Variants in PCDH15 observed in about 807,000 individuals in gnomAD.
PCDH15 encodes protocadherin related 15.
Under a neutral mutation model 178.5 loss-of-function variants are expected in PCDH15, and 129 were observed. The ratio of observed to expected loss-of-function variants is 0.72; its 90% CI spans 0.63 to 0.84. The LOEUF (loss-of-function observed/expected upper bound fraction) is 0.84, where lower values mean the gene tolerates loss of function less well. Ranked by LOEUF, PCDH15 falls within the 40% of genes least tolerant of loss-of-function variation. PCDH15 has a pLI of 0.00. For synonymous variants in PCDH15, 800 were observed against 732.0 expected (o/e 1.09, Z -1.50); for missense variants, 2,230 against 2,099.9 (o/e 1.06, Z -1.21).
At chr10:55,482,128 T>C (rs1840195767) in intron 2 of PCDH15, among the ~76,000 whole-genome samples, 1 of 151,876 alleles carries the variant, frequency 6.6e-6, no homozygotes, top group African/African-American at 2.4e-5. Flanking sequence ...GTCTGTTTTG[T>C]CAGACACTAG....
chr10:54,159,358 G>A (rs988987207), intron 13 of PCDH15, among the ~76,000 whole-genome samples: 5 of 152,058 alleles, frequency 3.3e-5, no homozygotes, highest in African/African-American at 7.2e-5. Flanking sequence ...TATATCTGGT[G>A]TTTCTGCTGG....
At chr10:53,882,048 G>C (rs2080760189) in intron 26 of PCDH15, among the ~76,000 whole-genome samples, 1 of 149,100 alleles carries the variant, frequency 6.7e-6, no homozygotes, top group African/African-American at 2.5e-5. Context: ...AGAGTGCAAT[G>C]GCACAACCTC....
chr10:55,608,818 G>A (rs975275678), intron 2 of PCDH15, among the ~76,000 whole-genome samples: 3 of 151,896 alleles, frequency 2.0e-5, no homozygotes, highest in Non-Finnish European at 2.9e-5. Flanking sequence ...ATGAAGAAAG[G>A]GCCTGGCATT....
chr10:54,053,818 A>G (rs1286532931), intron 18 of PCDH15, among the ~76,000 whole-genome samples: 1 of 152,210 alleles, frequency 6.6e-6, no homozygotes, highest in Non-Finnish European at 1.5e-5. Context: ...CAGAATTTAC[A>G]TCACAGATAA....
At chr10:54,409,358 C>A (rs1271913806) in intron 3 of PCDH15, among the ~76,000 whole-genome samples, 1 of 152,082 alleles carries the variant, frequency 6.6e-6, no homozygotes. Context: ...CATATGTGAA[C>A]TATTTATGCC....
intron 23 of PCDH15, among the ~76,000 whole-genome samples, chr10:53,942,553 C>A (rs1337537397): frequency 6.6e-6 from 1 of 152,132 alleles, no homozygotes; most frequent in Non-Finnish European, 1.5e-5. Flanking sequence ...TGGGTATATC[C>A]CTCACTGGAT....
intron 2 of PCDH15, among the ~76,000 whole-genome samples, chr10:55,078,451 G>C (rs961468359): frequency 1.3e-5 from 2 of 151,968 alleles, no homozygotes; most frequent in South Asian, 4.1e-4. Flanking sequence ...CTGATAATTT[G>C]TATATGTAGT....
chr10:53,803,973 A>G lies in PCDH15; in HGVS notation c.*2606T>C, dbSNP rs1430948237. 6.6e-6 allele frequency: 1 copy of G among 151,952 alleles called. No individual in the cohort carries two copies. The highest frequency in any genetic ancestry group is 1.5e-5 in the Non-Finnish European group (1 of 67,888). 9.4% of individuals were successfully genotyped at this position (151,952 alleles called of 1,614,324 possible). On this transcript the variant is annotated 3_prime_UTR_variant, in exon 38 of 38. Transcript: ENST00000644397. ...TTATATGAAGTATTCTTAAGATTAA[A>G]CATACCTGGGTATTTCCTCTGGGTT... is the stretch of plus-strand genomic sequence containing the variant.
chr10:55,450,032 AT>A (rs139255019), intron 2 of PCDH15, among the ~76,000 whole-genome samples: 7 of 152,000 alleles, frequency 4.6e-5, no homozygotes, highest in South Asian at 2.1e-4. Flanking sequence ...GGCTTAAAGC[AT>A]TTTTTTTATT....
chr10:53,985,633 C>T (rs184377927), intron 21 of PCDH15, among the ~76,000 whole-genome samples: 17 of 152,202 alleles, frequency 1.1e-4, no homozygotes, highest in African/African-American at 4.1e-4. Context: ...AGATTATAAA[C>T]ACACCCCGAG....
In PCDH15 at chr10:55,137,934, C is replaced by A. The variant is rs150995929; in HGVS notation, c.-80+28642G>T. On this transcript the variant is annotated intron_variant, in intron 2 of 5. Transcript: ENST00000458638. Reference sequence around the variant, plus strand: ...ACGATTGGTTAAATGACCATCCATTCCAACCCACACGTATTATGCTTTAGT... The same window carrying A: ...ACGATTGGTTAAATGACCATCCATTACAACCCACACGTATTATGCTTTAGT... Among the ~76,000 whole-genome samples the A allele has an allele frequency of 5.6e-3, 860 of 152,224 alleles. 4 individuals are homozygous for A. Among genetic ancestry groups the A allele is most frequent in the Middle Eastern group, 0.017 (5 of 294 alleles).
chr10:54,560,025 C>CAAA, intron 2 of PCDH15, among the ~76,000 whole-genome samples: 1 of 151,976 alleles, frequency 6.6e-6, no homozygotes, highest in Non-Finnish European at 1.5e-5. Context: ...ATTTATGTAA[C>CAAA]TCAATTTGTT....
At chr10:54,312,560 CTTG>C (rs1264209286) in intron 8 of PCDH15, among the ~76,000 whole-genome samples, 1 of 152,036 alleles carries the variant, frequency 6.6e-6, no homozygotes, top group Non-Finnish European at 1.5e-5. Flanking sequence ...TCTTGGGAAG[CTTG>C]TTGTGACAAC....
intron 3 of PCDH15, among the ~76,000 whole-genome samples, chr10:54,845,888 A>G (rs1289664469): frequency 6.6e-6 from 1 of 152,118 alleles, no homozygotes; most frequent in Non-Finnish European, 1.5e-5. Context: ...TTGTCACCAC[A>G]TCCAATGCCT....
intron 15 of PCDH15, among the ~76,000 whole-genome samples, chr10:54,104,285 C>T (rs553637012): frequency 7.9e-5 from 12 of 152,174 alleles, no homozygotes; most frequent in Non-Finnish European, 1.3e-4. Flanking sequence ...GTGTCCCCAG[C>T]CTTATCAGGG....
intron 1 of PCDH15, among the ~76,000 whole-genome samples, chr10:55,199,549 A>T (rs1290922542): frequency 3.3e-5 from 5 of 152,118 alleles, no homozygotes; most frequent in African/African-American, 1.2e-4. Flanking sequence ...TTCTGGGGAG[A>T]AATTCAAGCC....
chr10:54,705,884 T>C (rs555431664), intron 1 of PCDH15, among the ~76,000 whole-genome samples: 61 of 152,180 alleles, frequency 4.0e-4, no homozygotes, highest in Non-Finnish European at 7.2e-4. Context: ...TGGATTTTTT[T>C]CAAAAATTTC....
chr10:55,312,586 C>A (rs1188190053), intron 1 of PCDH15, among the ~76,000 whole-genome samples: 1 of 151,114 alleles, frequency 6.6e-6, no homozygotes, highest in African/African-American at 2.4e-5. Context: ...AGCATGGATT[C>A]TTTATCATAG....
chr10:54,890,903 T>A (rs569448932), intron 3 of PCDH15, among the ~76,000 whole-genome samples: 2 of 152,108 alleles, frequency 1.3e-5, no homozygotes, highest in South Asian at 2.1e-4. Flanking sequence ...AATTCAGTCT[T>A]CAATAAAACA....
Sources: gnomAD v4.1 joint callset for allele counts (sites outside exome capture counted in the v4.1 genomes callset) on GRCh38, gnomAD v4.1.1 for gene constraint, MANE v1.5 for transcripts, NCBI Gene and HGNC (gene_info 2026-07-23, HGNC 2026-07-21) for gene names.